Variants in SMCO2 observed in about 807,000 individuals in gnomAD.
SMCO2 encodes single-pass membrane and coiled-coil domain-containing protein 2.
SMCO2 carries 25 observed loss-of-function variants against 29.5 expected under a neutral mutation model. The observed-to-expected ratio is 0.85, with a 90% CI of 0.62 to 1.18. The LOEUF (loss-of-function observed/expected upper bound fraction) is 1.18. Among genes scored for constraint, SMCO2 ranks in the 50% most tolerant of loss-of-function variants. The pLI is 0.00. For missense variants in SMCO2, 348 were observed against 344.5 expected, an observed-to-expected ratio of 1.01 and a Z score of -0.08; for synonymous variants, 117 against 123.3, an observed-to-expected ratio of 0.95 and a Z score of 0.34.
At chr12:27,454,595 C>A in the SMCO2 span, among the ~76,000 whole-genome samples, 1 of 152,084 alleles carries the variant, frequency 6.6e-6, no homozygotes, top group African/African-American at 2.4e-5. Context: ...TATTATTATA[C>A]TTTAAGTTCT....
chr12:27,496,155 A>G (rs1413872042), intron 7 of SMCO2, among the ~76,000 whole-genome samples: 1 of 150,208 alleles, frequency 6.7e-6, no homozygotes, highest in Non-Finnish European at 1.5e-5. Context: ...ATGATCAAAG[A>G]TATATGACCA....
chr12:27,425,505 T>C, the SMCO2 span, among the ~76,000 whole-genome samples: 1 of 152,188 alleles, frequency 6.6e-6, no homozygotes, highest in Non-Finnish European at 1.5e-5. Context: ...GTCATCAGCC[T>C]TATCTGTCCC....
intron 2 of SMCO2, among the ~76,000 whole-genome samples, chr12:27,471,651 G>T (rs977919730): frequency 6.6e-6 from 1 of 152,126 alleles, no homozygotes; most frequent in African/African-American, 2.4e-5. Context: ...CAACACATTT[G>T]TTTTAGAAAA....
intron 4 of SMCO2, chr12:27,475,687 C>A (rs1418817705): frequency 6.5e-7 from 1 of 1,547,816 alleles, no homozygotes; most frequent in Non-Finnish European, 8.7e-7. Flanking sequence ...AGAAAATTGA[C>A]AATATTATTA....
the SMCO2 span, among the ~76,000 whole-genome samples, chr12:27,447,044 C>T: frequency 6.6e-6 from 1 of 152,150 alleles, no homozygotes; most frequent in Admixed American, 6.5e-5. Flanking sequence ...TGTTCTAATG[C>T]AGTTTCCACA....
chr12:27,500,764 G>A (rs1410758378), intron 7 of SMCO2, among the ~76,000 whole-genome samples: 1 of 150,462 alleles, frequency 6.6e-6, no homozygotes, highest in East Asian at 1.9e-4. Flanking sequence ...TAAGAACATT[G>A]GCTCTTTAAT....
Position 27,474,880 on chromosome 12 carries a change from CT to C in SMCO2, c.330del (p.Leu111CysfsTer13). 6.4e-7 allele frequency: 1 copy of C among 1,551,392 alleles called. No individual in the cohort carries two copies. Among genetic ancestry groups the C allele is most frequent in the Non-Finnish European group, 8.7e-7 (1 of 1,146,748 alleles). The stretch of plus-strand genomic sequence containing the variant: ...GATGAGGACCCTCAAGCGTCTACAT[CT>C]CTGCAGTTTTCAAAGAAGAACCTCC... On this transcript the variant is annotated frameshift_variant, in exon 4 of 8. Coordinates refer to ENST00000298876, the Ensembl canonical transcript of SMCO2. LOFTEE classifies it high-confidence loss of function.
upstream of SMCO2, among the ~76,000 whole-genome samples, chr12:27,462,164 A>G (rs980547925): frequency 6.6e-6 from 1 of 152,186 alleles, no homozygotes; most frequent in African/African-American, 2.4e-5. Context: ...CTAAATATCT[A>G]TGAAGCCCTG....
At chr12:27,498,848 TA>T (rs367972695) in intron 7 of SMCO2, among the ~76,000 whole-genome samples, 2,798 of 149,828 alleles carry the variant, frequency 0.019, 288 homozygotes, top group African/African-American at 0.067. Context: ...CATTGGTCAT[TA>T]AAAAAAACGT....
intron 3 of SMCO2, among the ~76,000 whole-genome samples, chr12:27,473,870 T>C (rs528800257): frequency 7.2e-5 from 11 of 152,356 alleles, no homozygotes; most frequent in African/African-American, 2.6e-4. Context: ...TAAAGAAGTG[T>C]TCAAGGATAA....
the SMCO2 span, among the ~76,000 whole-genome samples, chr12:27,455,678 A>G: frequency 6.6e-6 from 1 of 152,236 alleles, no homozygotes. Flanking sequence ...CATTCATTGT[A>G]GCATTATATG....
chr12:27,476,587 A>C (rs1949588310), intron 4 of SMCO2, among the ~76,000 whole-genome samples: 1 of 151,872 alleles, frequency 6.6e-6, no homozygotes. Flanking sequence ...CCTCTTGTTA[A>C]ATTGATCCTT....
intron 4 of SMCO2, among the ~76,000 whole-genome samples, chr12:27,484,867 A>T (rs1369061784): frequency 8.9e-6 from 1 of 111,766 alleles, no homozygotes; most frequent in African/African-American, 5.1e-5. Flanking sequence ...AAAAAAAAAA[A>T]AAAAATATAT....
the SMCO2 span, among the ~76,000 whole-genome samples, chr12:27,431,910 T>C: frequency 6.6e-6 from 1 of 152,322 alleles, no homozygotes; most frequent in South Asian, 2.1e-4. Flanking sequence ...TCCACATCCT[T>C]GCCAACTCTT....
the SMCO2 span, among the ~76,000 whole-genome samples, chr12:27,442,660 G>A: frequency 6.6e-6 from 1 of 152,146 alleles, no homozygotes; most frequent in Admixed American, 6.5e-5. Flanking sequence ...CAGTCACTTT[G>A]TCAGGTCTCA....
At chr12:27,471,500 C>T (rs1949540999) in intron 2 of SMCO2, among the ~76,000 whole-genome samples, 1 of 152,130 alleles carries the variant, frequency 6.6e-6, no homozygotes, top group African/African-American at 2.4e-5. Context: ...CTTTTATAGA[C>T]ACATATCACA....
At chr12:27,465,833 T>C (rs1949494569), upstream of SMCO2, among the ~76,000 whole-genome samples, 1 of 152,220 alleles carries the variant, frequency 6.6e-6, no homozygotes, top group Non-Finnish European at 1.5e-5. Flanking sequence ...GATGTGATTC[T>C]AAAGTTTATG....
intron 4 of SMCO2, among the ~76,000 whole-genome samples, chr12:27,481,540 T>G (rs189776264): frequency 1.3e-4 from 20 of 152,360 alleles, no homozygotes; most frequent in African/African-American, 4.8e-4. Context: ...TAAGTTTGTG[T>G]AGAAGTGGTA....
At chr12:27,501,827 T>C (rs1031817968) in intron 7 of SMCO2, 96 bp from the exon 9 acceptor site, 5 of 929,212 alleles carry the variant, frequency 5.4e-6, no homozygotes, top group South Asian at 2.3e-5. Context: ...AATTACTTAG[T>C]TGAAGTTTTA....
Sources: allele counts gnomAD v4.1 joint callset (sites outside exome capture counted in the v4.1 genomes callset), GRCh38; gene constraint gnomAD v4.1.1; transcripts MANE v1.5; gene names NCBI Gene and HGNC (gene_info 2026-07-23, HGNC 2026-07-21).